Variants in LRIG1 observed in about 807,000 individuals in gnomAD.
LRIG1 encodes leucine rich repeats and immunoglobulin like domains 1.
In LRIG1, 48 loss-of-function variants were observed where a neutral mutation model predicts 99.2. That is an observed-to-expected ratio of 0.48 (90% confidence interval 0.38 to 0.62). The LOEUF is 0.62. Among genes scored for constraint, LRIG1 ranks in the 20% least tolerant of loss-of-function variants. The pLI is 0.00. For missense variants in LRIG1, 1,646 were observed against 1,434.4 expected (o/e 1.15, Z -2.38); for synonymous variants, 772 against 596.1 (o/e 1.29, Z -4.30).
chr3:66,457,761 G>A (rs2106825787), intron 2 of LRIG1, among the ~76,000 whole-genome samples: 1 of 152,284 alleles, frequency 6.6e-6, no homozygotes, highest in Non-Finnish European at 1.5e-5. Flanking sequence ...CAAAATGAGA[G>A]TTTTTCCCAC....
Position 66,384,109 on chromosome 3 carries a change from C to G in LRIG1, c.1953G>C (p.Met651Ile). 1 of 1,614,230 alleles carries G rather than the reference C, an allele frequency of 6.2e-7. No individual in the cohort carries two copies. ...PAARERRMHV[M>I]PDDDVFFITD... is the part of the protein sequence containing the mutation. ...TGATGAAAAACACGTCGTCATCCGG[C>G]ATGACATGCATGCGTCGCTCACGGG... Residue 651 changes from methionine (M) to isoleucine (I), a missense_variant, in exon 14 of 19, where the codon ATG becomes ATC. Coordinates refer to ENST00000273261, the MANE Select transcript of LRIG1 (RefSeq NM_015541.3).
At position 66,417,159 on chromosome 3, in the gene LRIG1, C is replaced by T. The variant is rs533974488; in HGVS notation, c.473G>A (p.Cys158Tyr). The change falls in exon 4 of 19, where the codon TGC (cysteine) becomes TAC (tyrosine). Residue 158 changes from cysteine to tyrosine, a missense_variant. Coordinates refer to ENST00000273261, the MANE Select transcript of LRIG1 (RefSeq NM_015541.3). ...LNNITEVRNT[C>Y]FPHGPPIKEL... ...CTTTATAGGCGGTCCGTGTGGAAAG[C>T]AGGTGTTCCGCACTTCCGTGATGTT... 28 of 1,614,198 alleles carry T rather than the reference C, an allele frequency of 1.7e-5. No homozygotes were observed. In the South Asian group the frequency reaches 2.9e-4, roughly 16 times the overall value.
chr3:66,442,231 G>A (rs1575694675), intron 3 of LRIG1, among the ~76,000 whole-genome samples: 1 of 152,170 alleles, frequency 6.6e-6, no homozygotes, highest in East Asian at 1.9e-4. Flanking sequence ...CCTTATGAAG[G>A]AAAGGCCCGG....
At chr3:66,383,895 C>T (rs1287370636) in intron 14 of LRIG1, 96 bp downstream of exon 14, 5 of 1,499,144 alleles carry the variant, frequency 3.3e-6, no homozygotes, top group Non-Finnish European at 4.5e-6. Context: ...GAAAGGCCCA[C>T]AACGCATACC....
intron 1 of LRIG1, among the ~76,000 whole-genome samples, chr3:66,469,407 A>G (rs886954441): frequency 6.6e-6 from 1 of 152,206 alleles, no homozygotes; most frequent in Non-Finnish European, 1.5e-5. Flanking sequence ...AGGAGATACT[A>G]TATACATACA....
rs1032493034 is a variant in LRIG1 at position 66,446,183 on chromosome 3, A to C, written c.365+5376T>G. Among the ~76,000 whole-genome samples, 3 of 152,122 alleles carry C rather than the reference A, an allele frequency of 2.0e-5. No individual in the cohort carries two copies. In the South Asian group the frequency reaches 6.2e-4, roughly 31 times the overall value. ...TTCCTATTGACTTTACTTCACCAAC[A>C]GATCCAGCCAAGAAGAGGGCTCAGG... is the stretch of plus-strand genomic sequence containing the variant. On this transcript the variant is annotated intron_variant, in intron 3 of 18. Coordinates refer to ENST00000273261, the MANE Select transcript of LRIG1 (RefSeq NM_015541.3).
Position 66,383,043 on chromosome 3 carries a change from G to T in LRIG1, c.2430C>A (p.Val810=). ...VVSSIVLTSL[V]WVCIIYQTRK... ...TGGTCTGGTAGATGATGCACACCCAGACCAGTGACGTCAGGACGATGCTGC... is the reference window on the plus strand; with the variant it reads ...TGGTCTGGTAGATGATGCACACCCATACCAGTGACGTCAGGACGATGCTGC... Residue 810 remains valine (V), a synonymous_variant, in exon 15 of 19, where the codon GTC becomes GTA. Coordinates refer to ENST00000273261, the MANE Select transcript of LRIG1 (RefSeq NM_015541.3). 1 of 1,614,222 alleles carries T rather than the reference G, an allele frequency of 6.2e-7. No individual in the cohort carries two copies. The highest frequency in any genetic ancestry group is 1.1e-5 in the South Asian group (1 of 91,058).
At chr3:66,421,526 G>C (rs577002573) in intron 3 of LRIG1, among the ~76,000 whole-genome samples, 46 of 152,324 alleles carry the variant, frequency 3.0e-4, no homozygotes, top group African/African-American at 1.0e-3. Context: ...CAAGACGTGG[G>C]TTCCCATGGT....
chr3:66,466,451 T>C (rs556293708), intron 1 of LRIG1, among the ~76,000 whole-genome samples: 139 of 152,362 alleles, frequency 9.1e-4, no homozygotes, highest in African/African-American at 3.3e-3. Context: ...CTTTTGGCTA[T>C]TGTGAATGAT....
intron 17 of LRIG1, 126 bp from the exon 18 acceptor site, chr3:66,380,987 C>CTA: frequency 2.2e-6 from 2 of 911,732 alleles, no homozygotes; most frequent in Non-Finnish European, 3.3e-6. Flanking sequence ...TGTATGCATG[C>CTA]TTCCTCTTTT....
chr3:66,452,904 C>T (rs567024539), intron 2 of LRIG1, among the ~76,000 whole-genome samples: 1 of 152,306 alleles, frequency 6.6e-6, no homozygotes, highest in South Asian at 2.1e-4. Flanking sequence ...GAAGGCAGAT[C>T]CGTATCATGT....
intron 7 of LRIG1, among the ~76,000 whole-genome samples, chr3:66,408,605 G>T (rs1398012985): frequency 6.6e-6 from 1 of 152,158 alleles, no homozygotes; most frequent in African/African-American, 2.4e-5. Context: ...TGAGTCAGAG[G>T]ATGGCCCCTC....
chr3:66,431,524 G>A (rs1438683929), intron 3 of LRIG1, among the ~76,000 whole-genome samples: 3 of 152,192 alleles, frequency 2.0e-5, no homozygotes, highest in African/African-American at 7.2e-5. Context: ...CCCGAGCCCA[G>A]GGGTGTGAAA....
Position 66,472,103 on chromosome 3 carries a change from G to A in LRIG1, c.219-9594C>T, listed in dbSNP as rs192718787. On this transcript the variant is annotated intron_variant, in intron 1 of 18. Transcript: ENST00000273261. ...GCAGACCATGAGGTCAGGAGATCAA[G>A]ACCATCCTGGCTAACACGATGAAAT... is the stretch of plus-strand genomic sequence containing the variant. 7.9e-5 allele frequency among the ~76,000 whole-genome samples: 12 copies of A among 152,188 alleles called. No homozygotes were observed. In the East Asian group the frequency reaches 2.3e-3, roughly 29 times the overall value.
At chr3:66,446,523 A>G (rs140555263) in intron 3 of LRIG1, among the ~76,000 whole-genome samples, 1 of 150,274 alleles carries the variant, frequency 6.7e-6, no homozygotes, top group African/African-American at 2.5e-5. Flanking sequence ...CTCCTGCTGC[A>G]GCCTCCTGAG....
intron 1 of LRIG1, among the ~76,000 whole-genome samples, chr3:66,489,910 CT>C (rs2106920840): frequency 6.6e-6 from 1 of 152,272 alleles, no homozygotes; most frequent in African/African-American, 2.4e-5. Context: ...GCAAGCACCC[CT>C]TTAAGAAACT....
At chr3:66,382,667 G>A (rs1000279466) in intron 15 of LRIG1, among the ~76,000 whole-genome samples, 6 of 152,210 alleles carry the variant, frequency 3.9e-5, no homozygotes, top group East Asian at 1.9e-4. Context: ...CAGAAGTACC[G>A]CACTGTTTCA....
At chr3:66,398,633 C>T (rs994970222) in intron 10 of LRIG1, among the ~76,000 whole-genome samples, 2 of 152,158 alleles carry the variant, frequency 1.3e-5, no homozygotes, top group Non-Finnish European at 2.9e-5. Context: ...CAGGCTTGGC[C>T]AGGAGGAAGC....
intron 13 of LRIG1, 148 bp downstream of exon 13, chr3:66,385,833 C>T (rs540350821): frequency 1.2e-5 from 9 of 758,434 alleles, no homozygotes; most frequent in Non-Finnish European, 1.9e-5. Context: ...TGCTCTGGGG[C>T]AAACCCAGGC....
Sources: allele counts gnomAD v4.1 joint callset (sites outside exome capture counted in the v4.1 genomes callset), GRCh38; gene constraint gnomAD v4.1.1; transcripts MANE v1.5; gene names NCBI Gene and HGNC (gene_info 2026-07-23, HGNC 2026-07-21).